ADAMTS17: variants seen among roughly 807,000 people sequenced by gnomAD.
The protein encoded by ADAMTS17 is ADAM metallopeptidase with thrombospondin type 1 motif 17.
In ADAMTS17, 113 loss-of-function variants were observed where a neutral mutation model predicts 141.5. The ratio of observed to expected loss-of-function variants is 0.80; its 90% CI spans 0.69 to 0.93. The LOEUF (loss-of-function observed/expected upper bound fraction) is 0.93, where lower values mean the gene tolerates loss of function less well. Ranked by LOEUF, ADAMTS17 falls within the 40% of genes least tolerant of loss-of-function variation. ADAMTS17 has a pLI of 0.00. For synonymous variants in ADAMTS17, 768 were observed against 630.6 expected, an observed-to-expected ratio of 1.22 and a Z score of -3.27; for missense variants, 1,659 against 1,517.9, an observed-to-expected ratio of 1.09 and a Z score of -1.54.
rs562777256 is a variant in ADAMTS17 at position 100,286,039 on chromosome 15, T to C, written c.617-4638A>G. ...CAGGGTGCTTCCCAGGGGCGGCCCA[T>C]CATAGCTCCTTCATGGGCAGATGGC... On this transcript the variant is annotated intron_variant, in intron 3 of 21. Transcript: ENST00000268070. Among the ~76,000 whole-genome samples the C allele has an allele frequency of 3.3e-5, 5 of 152,194 alleles. No homozygotes were observed. In the East Asian group the frequency reaches 9.7e-4, roughly 29 times the overall value.
At chr15:100,141,114 T>C (rs1478207325) in intron 10 of ADAMTS17, among the ~76,000 whole-genome samples, 4 of 152,214 alleles carry the variant, frequency 2.6e-5, no homozygotes, top group East Asian at 3.9e-4. Flanking sequence ...CTAGCATTTG[T>C]CACCTCACTG....
intron 15 of ADAMTS17, among the ~76,000 whole-genome samples, chr15:100,090,709 A>G (rs1031887352): frequency 2.0e-5 from 3 of 152,156 alleles, no homozygotes; most frequent in Non-Finnish European, 4.4e-5. Context: ...TTCTCTGTTC[A>G]TGATAAAAAG....
intron 7 of ADAMTS17, among the ~76,000 whole-genome samples, chr15:100,241,537 T>C (rs1182696571): frequency 6.6e-6 from 1 of 152,210 alleles, no homozygotes; most frequent in Non-Finnish European, 1.5e-5. Flanking sequence ...TAACATCCAA[T>C]GTTTCAGGGG....
At chr15:99,979,812 T>C (rs2060447109) in intron 20 of ADAMTS17, 2 of 152,232 alleles carry the variant, frequency 1.3e-5, no homozygotes, top group Non-Finnish European at 2.9e-5. Flanking sequence ...CATTTCTAAA[T>C]TTGAATGTTT....
At chr15:100,073,817 T>C (rs2034167279) in intron 15 of ADAMTS17, among the ~76,000 whole-genome samples, 1 of 149,732 alleles carries the variant, frequency 6.7e-6, no homozygotes, top group Non-Finnish European at 1.5e-5. Context: ...TAATGTTAAA[T>C]AACGAGTTGA....
At chr15:100,305,106 T>G (rs1258226222) in intron 3 of ADAMTS17, among the ~76,000 whole-genome samples, 2 of 152,168 alleles carry the variant, frequency 1.3e-5, no homozygotes, top group African/African-American at 4.8e-5. Context: ...AATTTTCAAC[T>G]GCATGTTGTG....
intron 3 of ADAMTS17, among the ~76,000 whole-genome samples, chr15:100,293,741 G>A (rs2044720031): frequency 6.6e-6 from 1 of 152,120 alleles, no homozygotes; most frequent in Admixed American, 6.5e-5. Context: ...TAGACTACGG[G>A]GACCCAAACA....
chr15:100,033,781 T>C (rs925011953), intron 18 of ADAMTS17, among the ~76,000 whole-genome samples: 3 of 152,210 alleles, frequency 2.0e-5, no homozygotes, highest in Admixed American at 6.5e-5. Context: ...TCTCTTCAAT[T>C]TTGGGAGCTA....
intron 15 of ADAMTS17, among the ~76,000 whole-genome samples, chr15:100,085,655 A>G (rs2035051912): frequency 6.6e-6 from 1 of 151,952 alleles, no homozygotes; most frequent in Non-Finnish European, 1.5e-5. Context: ...CTCTCGGCAG[A>G]AACTCTATAA....
At chr15:100,105,048 T>C (rs980617693) in intron 14 of ADAMTS17, among the ~76,000 whole-genome samples, 4 of 152,206 alleles carry the variant, frequency 2.6e-5, no homozygotes, top group Admixed American at 1.3e-4. Context: ...GTTAGACAAA[T>C]AGCAGATGGC....
intron 18 of ADAMTS17, among the ~76,000 whole-genome samples, chr15:100,008,113 G>A (rs976350161): frequency 6.6e-6 from 1 of 152,134 alleles, no homozygotes; most frequent in African/African-American, 2.4e-5. Flanking sequence ...GATGGGTGAA[G>A]GAGAGGGTGG....
At chr15:100,101,149 T>G (rs2036074583) in intron 14 of ADAMTS17, among the ~76,000 whole-genome samples, 1 of 152,216 alleles carries the variant, frequency 6.6e-6, no homozygotes, top group Non-Finnish European at 1.5e-5. Flanking sequence ...TGGAGCTCTC[T>G]GCCCCCAACT....
At chr15:100,086,998 G>A (rs1433473324) in intron 15 of ADAMTS17, among the ~76,000 whole-genome samples, 1 of 152,086 alleles carries the variant, frequency 6.6e-6, no homozygotes, top group Non-Finnish European at 1.5e-5. Flanking sequence ...GATCAGAGCA[G>A]AACTGAAGGA....
At chr15:100,273,939 T>G (rs777653020) in intron 4 of ADAMTS17, among the ~76,000 whole-genome samples, 3 of 152,322 alleles carry the variant, frequency 2.0e-5, no homozygotes, top group Middle Eastern at 3.4e-3. Context: ...CTTTGACTCT[T>G]TGGTTATTTA....
At chr15:100,261,189 G>C (rs986996209) in intron 6 of ADAMTS17, among the ~76,000 whole-genome samples, 1 of 152,180 alleles carries the variant, frequency 6.6e-6, no homozygotes, top group African/African-American at 2.4e-5. Context: ...TCCCATGACT[G>C]TTATATTTAT....
At chr15:100,184,728 T>C (rs952098497) in intron 8 of ADAMTS17, among the ~76,000 whole-genome samples, 2 of 152,168 alleles carry the variant, frequency 1.3e-5, no homozygotes, top group African/African-American at 2.4e-5. Flanking sequence ...GTCTGGTCTG[T>C]CACCACCTTC....
intron 7 of ADAMTS17, among the ~76,000 whole-genome samples, chr15:100,206,149 C>G (rs965164474): frequency 6.6e-6 from 1 of 152,204 alleles, no homozygotes; most frequent in South Asian, 2.1e-4. Flanking sequence ...GTGATGAGTG[C>G]CTTGGAGTTC....
chr15:100,004,617 C>CTTTT (rs10591279), intron 18 of ADAMTS17, among the ~76,000 whole-genome samples: 13 of 116,204 alleles, frequency 1.1e-4, no homozygotes, highest in Non-Finnish European at 1.8e-4. Context: ...TACTGTAATT[C>CTTTT]TTTTTTTTTT....
chr15:100,254,486 C>T (rs910920246), intron 6 of ADAMTS17, among the ~76,000 whole-genome samples: 13 of 152,144 alleles, frequency 8.5e-5, no homozygotes, highest in African/African-American at 2.4e-4. Context: ...GTCACTGATC[C>T]GAGACAATTC....
Sources: gnomAD v4.1 joint callset for allele counts (sites outside exome capture counted in the v4.1 genomes callset) on GRCh38, gnomAD v4.1.1 for gene constraint, MANE v1.5 for transcripts, NCBI Gene and HGNC (gene_info 2026-07-23, HGNC 2026-07-21) for gene names.